Variants in PAK6 observed in about 807,000 individuals in gnomAD.
PAK6 encodes serine/threonine-protein kinase PAK 6.
A neutral mutation model predicts 60.8 loss-of-function variants in PAK6; 33 were observed. The observed-to-expected ratio is 0.54, with a 90% CI of 0.41 to 0.73. PAK6 has a LOEUF of 0.73. Among genes scored for constraint, PAK6 ranks in the 30% least tolerant of loss-of-function variants. The pLI, the probability that PAK6 is intolerant of heterozygous loss-of-function variation, is 0.00. For missense variants in PAK6, 845 were observed against 904.1 expected (o/e 0.93, Z 0.84); for synonymous variants, 404 against 378.5 (o/e 1.07, Z -0.78).
chr15:40,250,902 C>T (rs1448594977), intron 2 of PAK6: 1 of 152,616 alleles, frequency 6.6e-6, no homozygotes, highest in South Asian at 2.1e-4. Context: ...GCCACCTCCA[C>T]GCAGCACATT....
Position 40,274,266 on chromosome 15 carries a change from ACT to A in PAK6, c.1872_1873del (p.His625GlnfsTer40), listed in dbSNP as rs2039388686. On this transcript the variant is annotated frameshift_variant, in exon 10 of 11. Transcript: ENST00000560346. LOFTEE classifies it high-confidence loss of function. ...GACAGCCCCCCACCCAAGCTGAAAAACTCTCACAAGGTCAGTTGGCACACAAG... is the reference window on the plus strand; with the variant it reads ...GACAGCCCCCCACCCAAGCTGAAAAACTCACAAGGTCAGTTGGCACACAAG... 2 of 1,603,880 alleles carry A rather than the reference ACT, an allele frequency of 1.2e-6. No individual in the cohort carries two copies. The highest frequency in any genetic ancestry group is 2.2e-5 in the East Asian group (1 of 44,464).
chr15:40,261,177 C>G (rs900092796), intron 3 of PAK6, among the ~76,000 whole-genome samples: 3 of 151,654 alleles, frequency 2.0e-5, no homozygotes, highest in Admixed American at 6.5e-5. Flanking sequence ...CGTGAGCCAC[C>G]GCGCCTGGCC....
chr15:40,264,785 C>A (rs760668122), exon 4 of PAK6: 1 of 1,613,616 alleles, frequency 6.2e-7, no homozygotes. Flanking sequence ...TTACAGGCAC[C>A]ATGTTCCGCA....
chr15:40,264,754 G>C (rs770641095), intron 3 of PAK6, 27 bp from the exon 4 acceptor site: 16 of 1,606,162 alleles, frequency 1.0e-5, no homozygotes, highest in Middle Eastern at 1.6e-4. Flanking sequence ...TCCCGGGAGG[G>C]AGCTCAACCT....
chr15:40,258,279 G>A (rs1439670245), intron 3 of PAK6, among the ~76,000 whole-genome samples: 1 of 152,218 alleles, frequency 6.6e-6, no homozygotes, highest in Non-Finnish European at 1.5e-5. Context: ...GCCCGTTTCT[G>A]TTCATAAAGA....
At chr15:40,247,547 T>C (rs1175955248) in intron 2 of PAK6, among the ~76,000 whole-genome samples, 2 of 152,062 alleles carry the variant, frequency 1.3e-5, no homozygotes, top group Non-Finnish European at 2.9e-5. Flanking sequence ...CAGTGTCAGC[T>C]TGTGTTTGGG....
At chr15:40,275,826 C>T in intron 10 of PAK6, 101 bp from the exon 11 acceptor site, 1 of 1,155,186 alleles carries the variant, frequency 8.7e-7, no homozygotes, top group Non-Finnish European at 1.2e-6. Context: ...AGTTAAAAAA[C>T]CAGCGAATTC....
chr15:40,249,226 C>T (rs1350527009), intron 2 of PAK6, among the ~76,000 whole-genome samples: 1 of 151,972 alleles, frequency 6.6e-6, no homozygotes, highest in Non-Finnish European at 1.5e-5. Context: ...TAATCACCTG[C>T]CAACAACCCC....
exon 6 of PAK6, chr15:40,272,657 G>A (rs753819966): frequency 2.4e-5 from 38 of 1,605,356 alleles, no homozygotes; most frequent in Middle Eastern, 1.6e-4. Context: ...CACTCGGGCC[G>A]CCAGGTGGCC....
intron 10 of PAK6, 25 bp from the exon 11 acceptor site, chr15:40,275,902 T>C: frequency 6.3e-7 from 1 of 1,587,434 alleles, no homozygotes; most frequent in Non-Finnish European, 8.6e-7. Context: ...AATTGTGGCT[T>C]CATCTTACTG....
intron 3 of PAK6, among the ~76,000 whole-genome samples, chr15:40,260,671 C>CT (rs1266987421): frequency 1.4e-4 from 21 of 152,100 alleles, no homozygotes; most frequent in Admixed American, 6.5e-5. Context: ...CAATTTCTAC[C>CT]AAAGGAAATA....
At chr15:40,248,575 G>A (rs1056364378) in intron 2 of PAK6, among the ~76,000 whole-genome samples, 2 of 152,220 alleles carry the variant, frequency 1.3e-5, no homozygotes, top group African/African-American at 4.8e-5. Flanking sequence ...TTCAGGCAGG[G>A]TGCTGGCTTG....
intron 3 of PAK6, 113 bp from the exon 4 acceptor site, chr15:40,264,668 T>C: frequency 3.6e-6 from 3 of 843,840 alleles, no homozygotes. Flanking sequence ...GCCCTAGGCT[T>C]CTAGGGGAGC....
At chr15:40,249,733 TCA>T in intron 2 of PAK6, among the ~76,000 whole-genome samples, 1 of 152,360 alleles carries the variant, frequency 6.6e-6, no homozygotes, top group South Asian at 2.1e-4. Flanking sequence ...GCCCGAGCAC[TCA>T]GCCCTGGCTG....
chr15:40,243,427 T>C (rs1595562384), intron 2 of PAK6, among the ~76,000 whole-genome samples: 1 of 152,328 alleles, frequency 6.6e-6, no homozygotes, highest in East Asian at 1.9e-4. Context: ...CAGAGATAAT[T>C]ATAGTACCTA....
rs559271212 is a variant in PAK6 at position 40,271,271 on chromosome 15, C to G, written c.859-953C>G. Among the ~76,000 whole-genome samples, 475 of 152,326 alleles carry G rather than the reference C, an allele frequency of 3.1e-3. 1 individual carries two copies. The highest frequency in any genetic ancestry group is 5.2e-3 in the Non-Finnish European group (356 of 68,028). The stretch of plus-strand genomic sequence containing the variant: ...CAGAAAGAGCAGAAGGGCTTGGGCT[C>G]GGAAAAGCAAGAAGCCTCGCAGGCT... On this transcript the variant is annotated intron_variant, in intron 5 of 10. Transcript: ENST00000560346.
chr15:40,267,465 C>T (rs575072524), intron 5 of PAK6, among the ~76,000 whole-genome samples: 1 of 152,214 alleles, frequency 6.6e-6, no homozygotes, highest in East Asian at 1.9e-4. Flanking sequence ...AGACCATCCT[C>T]GCTAACACGG....
intron 2 of PAK6, among the ~76,000 whole-genome samples, chr15:40,241,489 C>T (rs2038335767): frequency 6.6e-6 from 1 of 152,194 alleles, no homozygotes; most frequent in Non-Finnish European, 1.5e-5. Context: ...GCCTTTGGGG[C>T]AAGCAAGGAG....
At chr15:40,275,218 C>G (rs780130372) in intron 10 of PAK6, among the ~76,000 whole-genome samples, 3 of 146,244 alleles carry the variant, frequency 2.1e-5, no homozygotes, top group Non-Finnish European at 4.5e-5. Context: ...TCAGGTCTCA[C>G]TTTATTTTCT....
Sources: allele counts gnomAD v4.1 joint callset (sites outside exome capture counted in the v4.1 genomes callset), GRCh38; gene constraint gnomAD v4.1.1; transcripts MANE v1.5; gene names NCBI Gene and HGNC (gene_info 2026-07-23, HGNC 2026-07-21).